METTL13: variants seen among roughly 807,000 people sequenced by gnomAD.
The protein encoded by METTL13 is eEF1A lysine and N-terminal methyltransferase.
Under a neutral mutation model 67.4 loss-of-function variants are expected in METTL13, and 52 were observed. The ratio of observed to expected loss-of-function variants is 0.77; its 90% CI spans 0.62 to 0.97. METTL13 has a LOEUF of 0.97. METTL13 is among the 50% of genes least tolerant of loss of function. The pLI, the probability that METTL13 is intolerant of heterozygous loss-of-function variation, is 0.00. For missense variants in METTL13, 825 were observed against 889.6 expected, an observed-to-expected ratio of 0.93 and a Z score of 0.92; for synonymous variants, 354 against 353.6, an observed-to-expected ratio of 1.00 and a Z score of -0.01.
rs374509792 is a variant in METTL13 at position 171,796,789 on chromosome 1, T to A, written c.*33T>A. ...GGCCAAGCAGCCCTCCTGCCTAGAC[T>A]GACCTTGGACTCCCAGCCTGCCAGA... On this transcript the variant is annotated 3_prime_UTR_variant, in exon 8 of 8. Coordinates refer to ENST00000361735, the MANE Select transcript of METTL13 (RefSeq NM_015935.5). 4.1e-5 allele frequency: 66 copies of A among 1,601,786 alleles called. No homozygotes were observed. The African/African-American group carries it at 7.8e-4, about 19-fold the overall frequency.
At chr1:171,784,534 G>A (rs774287664) in intron 2 of METTL13, 35 bp downstream of exon 2, 34 of 1,474,208 alleles carry the variant, frequency 2.3e-5, no homozygotes, top group Non-Finnish European at 3.0e-5. Flanking sequence ...TCCCTGGAGG[G>A]GCTGGCTTAC....
intron 3 of METTL13, 89 bp from the exon 4 acceptor site, chr1:171,787,646 A>T: frequency 8.4e-7 from 1 of 1,196,394 alleles, no homozygotes; most frequent in Non-Finnish European, 1.2e-6. Context: ...TGGTATGGGG[A>T]TATATACACA....
chr1:171,790,830 G>A, intron 5 of METTL13: 4 of 429,702 alleles, frequency 9.3e-6, no homozygotes, highest in Non-Finnish European at 1.6e-5. Context: ...ATATGTTAGA[G>A]TCTAAGTGGT....
At chr1:171,783,594 T>C in intron 1 of METTL13, 146 bp from the exon 2 acceptor site, 3 of 900,126 alleles carry the variant, frequency 3.3e-6, no homozygotes, top group Non-Finnish European at 5.0e-6. Context: ...TAGCATCAAC[T>C]CTACAATGTC....
rs192923138 is a variant in METTL13 at position 171,782,327 on chromosome 1, T to C, written c.153+207T>C. Among the ~76,000 whole-genome samples, 1,089 of 152,260 alleles carry C rather than the reference T, an allele frequency of 7.2e-3. 10 individuals are homozygous for C. Among genetic ancestry groups the C allele is most frequent in the African/African-American group, 0.025 (1,048 of 41,530 alleles). Reference sequence around the variant, plus strand: ...GGCTCACACCTGTAATCCGAACACTTTGGGAGACCGAGGTGGGAGGATCGC... The same window carrying C: ...GGCTCACACCTGTAATCCGAACACTCTGGGAGACCGAGGTGGGAGGATCGC... On this transcript the variant is annotated intron_variant, in intron 1 of 7. Transcript: ENST00000361735.
intron 2 of METTL13, among the ~76,000 whole-genome samples, chr1:171,784,876 A>G (rs1656960135): frequency 6.6e-6 from 1 of 152,222 alleles, no homozygotes; most frequent in Non-Finnish European, 1.5e-5. Context: ...TAGCAAGTCT[A>G]AGACATAGGT....
chr1:171,792,655 A>T (rs1313308643), intron 6 of METTL13, among the ~76,000 whole-genome samples: 1 of 152,250 alleles, frequency 6.6e-6, no homozygotes, highest in Non-Finnish European at 1.5e-5. Context: ...TTCATGTAAG[A>T]TCAGTGGTAT....
At chr1:171,792,656 TC>T (rs1452585570) in intron 6 of METTL13, among the ~76,000 whole-genome samples, 1 of 152,234 alleles carries the variant, frequency 6.6e-6, no homozygotes, top group East Asian at 1.9e-4. Context: ...TCATGTAAGA[TC>T]AGTGGTATAC....
In METTL13 at chr1:171,790,446, G is replaced by A. The variant is rs748906551; in HGVS notation, c.1310-6G>A. 4.4e-6 allele frequency: 7 copies of A among 1,583,194 alleles called. No individual in the cohort carries two copies. In the South Asian group the frequency reaches 4.7e-5, roughly 11 times the overall value. ...CTAAGCATAGGGCTTCATATCTCTT[G>A]TTTAGCCCAGAAGAAGCGGAAAAAG... On this transcript the variant is annotated splice_polypyrimidine_tract_variant and splice_region_variant and intron_variant, in intron 4 of 7. Transcript: ENST00000361735.
In METTL13 at chr1:171,785,974, G is replaced by A; in HGVS notation, c.1009G>A (p.Ala337Thr). 1.2e-6 allele frequency: 2 copies of A among 1,613,846 alleles called. No individual in the cohort carries two copies. Among genetic ancestry groups the A allele is most frequent in the Non-Finnish European group, 8.5e-7 (1 of 1,179,910 alleles). ...SAGFRRLITV[A>T]LHRGQQYESM... The stretch of plus-strand genomic sequence containing the variant: ...TGGCTTCAGGAGGTTGATTACAGTG[G>A]CCCTTCACCGAGGTCAGCAGTATGA... Residue 337 changes from alanine to threonine, a missense_variant, in exon 3 of 8, where the codon GCC becomes ACC. By Grantham distance (58) the Ala-to-Thr change is moderately conservative (BLOSUM62 0). Transcript: ENST00000361735.
At chr1:171,790,183 C>T (rs1339360342) in intron 4 of METTL13, among the ~76,000 whole-genome samples, 1 of 152,134 alleles carries the variant, frequency 6.6e-6, no homozygotes, top group Non-Finnish European at 1.5e-5. Flanking sequence ...GGGAAGGCAC[C>T]CAGCCATTCA....
chr1:171,791,528 T>A (rs1350986172), intron 5 of METTL13, among the ~76,000 whole-genome samples: 1 of 151,990 alleles, frequency 6.6e-6, no homozygotes, highest in Non-Finnish European at 1.5e-5. Flanking sequence ...CAGGCTGGAG[T>A]GCAGTGGTAT....
At chr1:171,788,541 A>G (rs974241613) in intron 4 of METTL13, among the ~76,000 whole-genome samples, 10 of 152,152 alleles carry the variant, frequency 6.6e-5, no homozygotes, top group Non-Finnish European at 1.2e-4. Context: ...AGTGGCTAGT[A>G]TTGGACAGTG....
rs887877510 is a variant in METTL13, at chr1:171,797,492, A to G, written c.*736A>G. ...GAGTGACAGCTATGTGCCAGACTGC[A>G]TAAAGGGTGGTGGCAGAAGTGAAAA... On this transcript the variant is annotated 3_prime_UTR_variant, in exon 8 of 8. Coordinates refer to ENST00000361735, the MANE Select transcript of METTL13 (RefSeq NM_015935.5). 1 of 152,254 alleles carries G rather than the reference A, an allele frequency of 6.6e-6. No individual in the cohort carries two copies. Among genetic ancestry groups the G allele is most frequent in the African/African-American group, 2.4e-5 (1 of 41,444 alleles). The allele number at this position is 152,254 out of a possible 1,614,324, so 9.4% of individuals were successfully genotyped here.
intron 3 of METTL13, among the ~76,000 whole-genome samples, chr1:171,786,282 G>A (rs1016091227): frequency 4.6e-5 from 7 of 152,212 alleles, no homozygotes; most frequent in Non-Finnish European, 8.8e-5. Flanking sequence ...AGTAGCGTCT[G>A]TGTCTGGGGG....
At chr1:171,787,532 T>C (rs1657057762) in intron 3 of METTL13, among the ~76,000 whole-genome samples, 1 of 152,192 alleles carries the variant, frequency 6.6e-6, no homozygotes, top group South Asian at 2.1e-4. Context: ...ATGTGTCCAG[T>C]TGATTTTCAA....
chr1:171,783,301 G>A (rs978486811), intron 1 of METTL13, among the ~76,000 whole-genome samples: 21 of 152,198 alleles, frequency 1.4e-4, no homozygotes, highest in African/African-American at 4.1e-4. Context: ...CGTGATGGAA[G>A]TAAGATTTGA....
chr1:171,785,452 G>A (rs937800628), intron 2 of METTL13, among the ~76,000 whole-genome samples: 4 of 152,198 alleles, frequency 2.6e-5, no homozygotes, highest in Admixed American at 2.6e-4. Flanking sequence ...TTTACTTATT[G>A]TGCGAAGTTG....
At chr1:171,792,712 A>C (rs1005212932) in intron 6 of METTL13, among the ~76,000 whole-genome samples, 2 of 152,208 alleles carry the variant, frequency 1.3e-5, no homozygotes, top group African/African-American at 4.8e-5. Flanking sequence ...ACAATTTTTC[A>C]TTGTCACAAA....
Sources: gnomAD v4.1 joint callset for allele counts (sites outside exome capture counted in the v4.1 genomes callset) on GRCh38, gnomAD v4.1.1 for gene constraint, MANE v1.5 for transcripts, NCBI Gene and HGNC (gene_info 2026-07-23, HGNC 2026-07-21) for gene names.